CLUAP1: variants seen among roughly 807,000 people sequenced by gnomAD.
CLUAP1 encodes the protein clusterin-associated protein 1.
In CLUAP1, 50 loss-of-function variants were observed where a neutral mutation model predicts 55.0. That is an observed-to-expected ratio of 0.91 (90% CI 0.72 to 1.15). The LOEUF (loss-of-function observed/expected upper bound fraction) is 1.15. Among genes scored for constraint, CLUAP1 ranks in the 50% most tolerant of loss-of-function variants. The probability of loss-of-function intolerance (pLI) is 0.00; values close to 1 mark genes in which losing one functional copy is unlikely to be tolerated. For synonymous variants in CLUAP1, 195 were observed against 175.4 expected, an observed-to-expected ratio of 1.11 and a Z score of -0.88; for missense variants, 530 against 507.6, an observed-to-expected ratio of 1.04 and a Z score of -0.42.
At chr16:3,495,438 G>A in the CLUAP1 span, 1 of 1,608,498 alleles carries the variant, frequency 6.2e-7, no homozygotes, top group African/African-American at 1.3e-5. Flanking sequence ...CCAGTGTGGT[G>A]GGGAGGAGCA....
intron 1 of CLUAP1, among the ~76,000 whole-genome samples, chr16:3,503,169 C>T (rs114498567): frequency 0.048 from 7,228 of 151,586 alleles, 306 homozygotes; most frequent in African/African-American, 0.11. Flanking sequence ...TTATTTTATT[C>T]TTTTCTTTTT....
intron 5 of CLUAP1, among the ~76,000 whole-genome samples, chr16:3,512,785 A>G (rs1003879851): frequency 4.6e-5 from 7 of 152,094 alleles, no homozygotes; most frequent in African/African-American, 1.7e-4. Flanking sequence ...GGTTCACGCC[A>G]TTCTCCTGCC....
chr16:3,510,860 G>A (rs1596387558), intron 4 of CLUAP1, among the ~76,000 whole-genome samples: 1 of 152,216 alleles, frequency 6.6e-6, no homozygotes, highest in Non-Finnish European at 1.5e-5. Flanking sequence ...ACGCCGATTG[G>A]CTGTCCAGGT....
At chr16:3,495,579 G>A in the CLUAP1 span, 16 of 1,448,052 alleles carry the variant, frequency 1.1e-5, no homozygotes, top group Admixed American at 2.5e-4. Flanking sequence ...TAGTTTGGGA[G>A]AGGACAGTGC....
intron 2 of CLUAP1, 60 bp from the exon 3 acceptor site, chr16:3,506,271 C>T: frequency 7.3e-7 from 1 of 1,373,070 alleles, no homozygotes; most frequent in South Asian, 1.2e-5. Context: ...TGCCCACATT[C>T]TCTTTAGTAG....
intron 4 of CLUAP1, among the ~76,000 whole-genome samples, chr16:3,510,548 C>A (rs2037604243): frequency 6.6e-6 from 1 of 152,158 alleles, no homozygotes; most frequent in African/African-American, 2.4e-5. Flanking sequence ...GAGAGTAAGT[C>A]AGGTGCTACA....
chr16:3,521,600 A>G (rs2037835821), intron 7 of CLUAP1, among the ~76,000 whole-genome samples: 1 of 151,898 alleles, frequency 6.6e-6, no homozygotes, highest in Non-Finnish European at 1.5e-5. Flanking sequence ...ACGCCCAGCT[A>G]ATTTTTGTAT....
At chr16:3,502,005 G>A (rs1236508631) in intron 1 of CLUAP1, 1 of 152,226 alleles carries the variant, frequency 6.6e-6, no homozygotes, top group Non-Finnish European at 1.5e-5. Flanking sequence ...CAGGCGGTAG[G>A]AGGTGGCACT....
rs539092341 is a variant in CLUAP1, at chr16:3,529,817, AATATAATATATT to A, written c.929-727_929-716del. 3.0e-3 allele frequency among the ~76,000 whole-genome samples: 128 copies of A among 42,766 alleles called. 5 individuals are homozygous for A. The highest frequency in any genetic ancestry group is 0.011 in the African/African-American group (93 of 8,824). The allele number at this position is 42,766 out of a possible 152,430, so 28.1% of individuals were successfully genotyped here. ...TATTATATTATTATATATATATTATAATATAATATATTATATAATATATTATATAATATATAT... is the reference window on the plus strand; with the variant it reads ...TATTATATTATTATATATATATTATAATATAATATATTATATAATATATAT... On this transcript the variant is annotated intron_variant, in intron 9 of 11. Transcript: ENST00000576634.
rs1037332302 is a variant in CLUAP1 at position 3,521,170 on chromosome 16, A to G, written c.713+1134A>G. ...TTTACCTCTGGAGCCTCAGAGAGGG[A>G]AAAAAAAAAAAACAGAAGTCATTGC... On this transcript the variant is annotated intron_variant, in intron 7 of 11. Transcript: ENST00000576634. Among the ~76,000 whole-genome samples, 37 of 141,278 alleles carry G rather than the reference A, an allele frequency of 2.6e-4. 1 individual carries two copies. The highest frequency in any genetic ancestry group is 1.0e-3 in the East Asian group (5 of 5,000). The allele number at this position is 141,278 out of a possible 152,430, so 92.7% of individuals were successfully genotyped here.
At chr16:3,514,326 C>G (rs112652675) in intron 5 of CLUAP1, among the ~76,000 whole-genome samples, 8 of 152,298 alleles carry the variant, frequency 5.3e-5, no homozygotes, top group African/African-American at 1.7e-4. Context: ...TAGTACTTGT[C>G]AAATTCTGTG....
chr16:3,533,268 C>T (rs1369918591), intron 11 of CLUAP1: 4 of 817,516 alleles, frequency 4.9e-6, no homozygotes, highest in Middle Eastern at 2.7e-4. Flanking sequence ...AAAAAGGCCA[C>T]TCAAAAGAGA....
At chr16:3,503,375 G>A (rs1416578037) in intron 1 of CLUAP1, among the ~76,000 whole-genome samples, 1 of 152,202 alleles carries the variant, frequency 6.6e-6, no homozygotes, top group Admixed American at 6.5e-5. Context: ...GTGTTAGCCA[G>A]GATGGTCTCA....
upstream of CLUAP1, chr16:3,496,537 C>T: frequency 1.8e-6 from 1 of 558,952 alleles, no homozygotes. Context: ...CGGCCCACAG[C>T]GGCATCCTCA....
At chr16:3,503,311 C>T (rs1339469828) in intron 1 of CLUAP1, among the ~76,000 whole-genome samples, 4 of 152,098 alleles carry the variant, frequency 2.6e-5, no homozygotes, top group African/African-American at 7.2e-5. Context: ...TACAGGTGCC[C>T]GCCACCACAC....
intron 4 of CLUAP1, among the ~76,000 whole-genome samples, chr16:3,510,844 T>C (rs185184757): frequency 1.1e-3 from 171 of 152,334 alleles, no homozygotes; most frequent in Admixed American, 0.011. Flanking sequence ...ACATGCTCCA[T>C]TTGCCACGCC....
chr16:3,506,205 C>A, intron 2 of CLUAP1, 126 bp from the exon 3 acceptor site: 1 of 741,394 alleles, frequency 1.3e-6, no homozygotes, highest in Non-Finnish European at 2.4e-6. Flanking sequence ...CTTGATCTCA[C>A]TCTCCCACTT....
At chr16:3,507,976 T>A (rs1209389029) in intron 3 of CLUAP1, among the ~76,000 whole-genome samples, 4 of 152,148 alleles carry the variant, frequency 2.6e-5, no homozygotes, top group Non-Finnish European at 5.9e-5. Context: ...GGAACAGTGC[T>A]GTAACAAATA....
At chr16:3,506,590 C>G (rs2037511461) in intron 3 of CLUAP1, among the ~76,000 whole-genome samples, 175 bp downstream of exon 3, 1 of 152,064 alleles carries the variant, frequency 6.6e-6, no homozygotes, top group South Asian at 2.1e-4. Context: ...CTCACTGCAA[C>G]CTCCGTCTCC....
Sources: gnomAD v4.1 joint callset for allele counts (sites outside exome capture counted in the v4.1 genomes callset) on GRCh38, gnomAD v4.1.1 for gene constraint, MANE v1.5 for transcripts, NCBI Gene and HGNC (gene_info 2026-07-23, HGNC 2026-07-21) for gene names.